Variants in LHFPL3 observed in about 807,000 individuals in gnomAD.
LHFPL3 encodes LHFPL tetraspan subfamily member 3.
In LHFPL3, 5 loss-of-function variants were observed where a neutral mutation model predicts 19.3. That is an observed-to-expected ratio of 0.26 (90% confidence interval 0.14 to 0.54). The LOEUF (loss-of-function observed/expected upper bound fraction) is 0.54. Among genes scored for constraint, LHFPL3 ranks in the 20% least tolerant of loss-of-function variants. The pLI, the probability that LHFPL3 is intolerant of heterozygous loss-of-function variation, is 0.94. For synonymous variants in LHFPL3, 133 were observed against 126.2 expected (o/e 1.05, Z -0.36); for missense variants, 249 against 307.4 (o/e 0.81, Z 1.42).
At chr7:104,631,158 C>CA (rs1420181574) in intron 1 of LHFPL3, among the ~76,000 whole-genome samples, 1 of 152,012 alleles carries the variant, frequency 6.6e-6, no homozygotes, top group African/African-American at 2.4e-5. Flanking sequence ...ACAACAACAA[C>CA]AACAAAGCAT....
At chr7:104,355,795 G>A (rs993024002) in intron 1 of LHFPL3, among the ~76,000 whole-genome samples, 1 of 152,148 alleles carries the variant, frequency 6.6e-6, no homozygotes, top group Admixed American at 6.6e-5. Flanking sequence ...AGCGGCAAAG[G>A]CTCTTCCTCC....
rs71153196 is a variant in LHFPL3, at chr7:104,424,983, T to TAAAAAAAAAAAAAAA, written c.445+95767_445+95781dup. ...GGCGACAGAGTGAGACTCCATCTCA[T>TAAAAAAAAAAAAAAA]AAAAAAAAAAAAAAAAAAAAAAGAA... On this transcript the variant is annotated intron_variant, in intron 1 of 2. Transcript: ENST00000424859. 1.2e-3 allele frequency among the ~76,000 whole-genome samples: 77 copies of TAAAAAAAAAAAAAAA among 65,140 alleles called. 2 individuals carry two copies. The East Asian group carries it at 0.025, about 21-fold the overall frequency. 42.7% of individuals were successfully genotyped at this position (65,140 alleles called of 152,430 possible).
intron 2 of LHFPL3, among the ~76,000 whole-genome samples, chr7:104,737,461 G>A (rs1474219701): frequency 6.6e-6 from 1 of 152,160 alleles, no homozygotes; most frequent in Non-Finnish European, 1.5e-5. Context: ...AATTTTAAAT[G>A]TGTTGTCTGC....
rs1361469730 is a variant in LHFPL3 at position 104,599,012 on chromosome 7, C to A, written c.446-137663C>A. ...ATTTTTAATTTTTATCTCTTAATTC[C>A]ATTTTTCCATGAATTTTTAAAACTC... On this transcript the variant is annotated intron_variant, in intron 1 of 2. Coordinates refer to ENST00000424859, the MANE Select transcript of LHFPL3 (RefSeq NM_199000.3). Among the ~76,000 whole-genome samples the A allele has an allele frequency of 2.0e-5, 3 of 152,096 alleles. No homozygotes were observed. The East Asian group carries it at 5.8e-4, about 29-fold the overall frequency.
intron 1 of LHFPL3, among the ~76,000 whole-genome samples, chr7:104,687,386 T>C (rs948439602): frequency 3.9e-5 from 6 of 152,222 alleles, no homozygotes; most frequent in African/African-American, 1.2e-4. Flanking sequence ...TATAGAGGCC[T>C]CATTACATAG....
In LHFPL3 at chr7:104,587,850, T is replaced by C. The variant is rs376435252; in HGVS notation, c.446-148825T>C. ...GATGGTATCTCATTGTGGTTTTGAT[T>C]TGCATTTCTCTGATGGCCAGTGATG... is the stretch of plus-strand genomic sequence containing the variant. On this transcript the variant is annotated intron_variant, in intron 1 of 2. Coordinates refer to ENST00000424859, the MANE Select transcript of LHFPL3 (RefSeq NM_199000.3). 6.6e-5 allele frequency among the ~76,000 whole-genome samples: 10 copies of C among 152,188 alleles called. No individual in the cohort carries two copies. In the East Asian group the frequency reaches 1.2e-3, roughly 18 times the overall value.
chr7:104,898,042 C>T (rs1360580465), intron 2 of LHFPL3, among the ~76,000 whole-genome samples: 1 of 108,036 alleles, frequency 9.3e-6, no homozygotes, highest in African/African-American at 3.7e-5. Context: ...CAGAGTCTCA[C>T]TCTGTTGCCC....
At chr7:104,556,890 T>A (rs1468747338) in intron 1 of LHFPL3, among the ~76,000 whole-genome samples, 1 of 152,206 alleles carries the variant, frequency 6.6e-6, no homozygotes, top group African/African-American at 2.4e-5. Context: ...TAAATCATCT[T>A]TCTCAAGTTC....
chr7:104,406,489 AC>A (rs1334494982), intron 1 of LHFPL3, among the ~76,000 whole-genome samples: 32 of 152,366 alleles, frequency 2.1e-4, no homozygotes, highest in African/African-American at 7.7e-4. Flanking sequence ...CCTGAAAATG[AC>A]ATTGTTATAA....
rs145010501 is a variant in LHFPL3, at chr7:104,514,582, T to C, written c.445+185358T>C. On this transcript the variant is annotated intron_variant, in intron 1 of 2. Transcript: ENST00000424859. Reference sequence around the variant, plus strand: ...AGAGCTAGAAGATATAAAAAGCAGTTGGCTGGGAATGGTTCAGCTGAAAAC... The same window carrying C: ...AGAGCTAGAAGATATAAAAAGCAGTCGGCTGGGAATGGTTCAGCTGAAAAC... 7.4e-3 allele frequency among the ~76,000 whole-genome samples: 1,133 copies of C among 152,286 alleles called. 9 individuals are homozygous for C. The highest frequency in any genetic ancestry group is 0.01 in the Middle Eastern group (3 of 294).
At chr7:104,385,147 G>A (rs747525593) in intron 1 of LHFPL3, among the ~76,000 whole-genome samples, 16 of 152,036 alleles carry the variant, frequency 1.1e-4, no homozygotes, top group Non-Finnish European at 1.9e-4. Context: ...AAATCAAGAG[G>A]AACAAAGCAG....
intron 1 of LHFPL3, among the ~76,000 whole-genome samples, chr7:104,494,957 T>C (rs766094579): frequency 1.4e-4 from 22 of 152,158 alleles, no homozygotes; most frequent in Admixed American, 7.2e-4. Flanking sequence ...ATCCATCCCT[T>C]GAACACAACA....
intron 2 of LHFPL3, among the ~76,000 whole-genome samples, chr7:104,807,183 T>C (rs1790377571): frequency 2.0e-5 from 3 of 151,948 alleles, no homozygotes; most frequent in South Asian, 2.1e-4. Flanking sequence ...GTCCTAACAG[T>C]CTAGGGGGAA....
At chr7:104,473,163 T>A (rs1341444899) in intron 1 of LHFPL3, among the ~76,000 whole-genome samples, 1 of 152,236 alleles carries the variant, frequency 6.6e-6, no homozygotes. Context: ...CAACATACTG[T>A]CAATGGTGAG....
At chr7:104,683,162 G>A (rs1326895560) in intron 1 of LHFPL3, among the ~76,000 whole-genome samples, 1 of 152,090 alleles carries the variant, frequency 6.6e-6, no homozygotes, top group African/African-American at 2.4e-5. Context: ...GCTGATTTTT[G>A]TATTTTTAGT....
At chr7:104,521,985 C>T (rs1457009683) in intron 1 of LHFPL3, among the ~76,000 whole-genome samples, 2 of 152,116 alleles carry the variant, frequency 1.3e-5, no homozygotes, top group South Asian at 2.1e-4. Flanking sequence ...GTGGCGATTC[C>T]TCAGGGATCT....
At chr7:104,733,415 G>C (rs1793741656) in intron 1 of LHFPL3, among the ~76,000 whole-genome samples, 2 of 152,162 alleles carry the variant, frequency 1.3e-5, no homozygotes, top group Non-Finnish European at 2.9e-5. Context: ...CCTGTATTGG[G>C]TGCATATATA....
At chr7:104,865,404 A>G (rs571242893) in intron 2 of LHFPL3, among the ~76,000 whole-genome samples, 2 of 152,344 alleles carry the variant, frequency 1.3e-5, no homozygotes, top group African/African-American at 4.8e-5. Flanking sequence ...CTGAAAACCA[A>G]GGCACGAGAA....
At chr7:104,340,006 A>G (rs1377285645) in intron 1 of LHFPL3, among the ~76,000 whole-genome samples, 1 of 152,202 alleles carries the variant, frequency 6.6e-6, no homozygotes, top group African/African-American at 2.4e-5. Context: ...AGTTCCAGAG[A>G]AAGTAATAAT....
Sources: gnomAD v4.1 joint callset for allele counts (sites outside exome capture counted in the v4.1 genomes callset) on GRCh38, gnomAD v4.1.1 for gene constraint, MANE v1.5 for transcripts, NCBI Gene and HGNC (gene_info 2026-07-23, HGNC 2026-07-21) for gene names.